Variants in PSMA8 observed in about 807,000 individuals in gnomAD.
The protein encoded by PSMA8 is proteasome subunit alpha-type 8.
A neutral mutation model predicts 32.4 loss-of-function variants in PSMA8; 18 were observed. The observed-to-expected ratio is 0.56, with a 90% CI of 0.38 to 0.82. PSMA8 has a LOEUF of 0.82. PSMA8 is among the 40% of genes least tolerant of loss of function. PSMA8 has a pLI of 0.00. For synonymous variants in PSMA8, 104 were observed against 98.1 expected (o/e 1.06, Z -0.36); for missense variants, 298 against 300.7 (o/e 0.99, Z 0.07).
At chr18:26,171,472 G>A (rs1203315254) in intron 4 of PSMA8, among the ~76,000 whole-genome samples, 1 of 152,118 alleles carries the variant, frequency 6.6e-6, no homozygotes, top group Admixed American at 6.5e-5. Context: ...AGTGGCTCAC[G>A]CCTGTAATCC....
At chr18:26,134,238 C>G (rs1054831419) in intron 1 of PSMA8, among the ~76,000 whole-genome samples, 171 bp downstream of exon 1, 4 of 151,952 alleles carry the variant, frequency 2.6e-5, no homozygotes, top group African/African-American at 9.7e-5. Context: ...AGATTTGGGC[C>G]GGAAGTGGGC....
chr18:26,187,500 TA>T (rs1256350886), intron 6 of PSMA8, among the ~76,000 whole-genome samples: 2 of 150,428 alleles, frequency 1.3e-5, no homozygotes, highest in Non-Finnish European at 1.5e-5. Context: ...TGAATGGATT[TA>T]AAAAAAAAGA....
At chr18:26,179,014 A>G in intron 5 of PSMA8, 54 bp from the exon 6 acceptor site, 1 of 1,607,248 alleles carries the variant, frequency 6.2e-7, no homozygotes, top group East Asian at 2.2e-5. Flanking sequence ...ATTTTTGTTT[A>G]TTAAACACAA....
intron 4 of PSMA8, among the ~76,000 whole-genome samples, chr18:26,171,732 T>C (rs918021156): frequency 6.7e-6 from 1 of 149,226 alleles, no homozygotes. Context: ...AGACTCCGTC[T>C]CAAAAAAAAA....
chr18:26,177,580 G>T (rs2055273871), intron 4 of PSMA8, among the ~76,000 whole-genome samples: 1 of 152,088 alleles, frequency 6.6e-6, no homozygotes, highest in Non-Finnish European at 1.5e-5. Flanking sequence ...GGATATTTAG[G>T]CTGAATTAAA....
At chr18:26,163,990 T>A (rs537498067) in intron 4 of PSMA8, among the ~76,000 whole-genome samples, 46 of 152,306 alleles carry the variant, frequency 3.0e-4, no homozygotes, top group African/African-American at 1.1e-3. Context: ...GTGTTCTGGA[T>A]CCCAAGTGAA....
intron 6 of PSMA8, among the ~76,000 whole-genome samples, chr18:26,187,729 A>T (rs935089188): frequency 2.6e-5 from 4 of 152,214 alleles, no homozygotes; most frequent in Non-Finnish European, 4.4e-5. Flanking sequence ...CAGCAAGAAG[A>T]TATAACAGTC....
At chr18:26,175,867 T>A (rs911918406) in intron 4 of PSMA8, among the ~76,000 whole-genome samples, 4 of 152,262 alleles carry the variant, frequency 2.6e-5, no homozygotes, top group Non-Finnish European at 5.9e-5. Flanking sequence ...AGCCAATATG[T>A]CTGCATTCTA....
intron 6 of PSMA8, among the ~76,000 whole-genome samples, chr18:26,183,242 A>C (rs576330345): frequency 6.7e-6 from 1 of 149,820 alleles, no homozygotes; most frequent in East Asian, 2.0e-4. Flanking sequence ...AAATACAAAA[A>C]TTAGCTGGGC....
chr18:26,165,330 A>G (rs1321590732), intron 4 of PSMA8, among the ~76,000 whole-genome samples: 1 of 152,260 alleles, frequency 6.6e-6, no homozygotes, highest in Non-Finnish European at 1.5e-5. Flanking sequence ...CCACGCCTGC[A>G]TCTAAATTGA....
In PSMA8 at chr18:26,178,824, T is replaced by C. The variant is rs765586244; in HGVS notation, c.478-6T>C. ...GATATTAATAAATTAACTTTTATTT[T>C]TCAAGGCAAATGCAATAGGCCGAAG... On this transcript the variant is annotated splice_polypyrimidine_tract_variant and splice_region_variant and intron_variant, in intron 4 of 6. Coordinates refer to ENST00000415576, the MANE Select transcript of PSMA8 (RefSeq NM_001025096.2). The C allele has an allele frequency of 1.2e-6, 2 of 1,604,814 alleles. No individual in the cohort carries two copies. Among genetic ancestry groups the C allele is most frequent in the Non-Finnish European group, 1.7e-6 (2 of 1,177,142 alleles).
intron 5 of PSMA8, 38 bp from the exon 6 acceptor site, chr18:26,179,030 G>A: frequency 6.2e-7 from 1 of 1,606,432 alleles, no homozygotes; most frequent in African/African-American, 1.3e-5. Flanking sequence ...CACAAAATTT[G>A]CTGAAATAAT....
At chr18:26,191,530 A>T (rs945774264) in intron 6 of PSMA8, among the ~76,000 whole-genome samples, 3 of 151,222 alleles carry the variant, frequency 2.0e-5, no homozygotes, top group African/African-American at 7.3e-5. Context: ...ACACACCTGT[A>T]GTCCCAGCTA....
At chr18:26,183,167 G>A (rs536519414) in intron 6 of PSMA8, among the ~76,000 whole-genome samples, 2 of 150,212 alleles carry the variant, frequency 1.3e-5, no homozygotes, top group South Asian at 4.2e-4. Flanking sequence ...CAAGGTGGGT[G>A]GATTGCTTGA....
Position 26,191,492 on chromosome 18 carries a change from A to G in PSMA8, c.661-827A>G, listed in dbSNP as rs984789696. Among the ~76,000 whole-genome samples the G allele has an allele frequency of 2.7e-4, 41 of 152,134 alleles. 1 individual carries two copies. The highest frequency in any genetic ancestry group is 2.4e-3 in the Admixed American group (36 of 15,280). On this transcript the variant is annotated intron_variant, in intron 6 of 6. Coordinates refer to ENST00000415576, the MANE Select transcript of PSMA8 (RefSeq NM_001025096.2). ...GAAAATGCAAATCTCTCTACTAAAA[A>G]TAACAAAAATCAGTCAGGCGTGGTA...
rs1212166555 is a variant in PSMA8, at chr18:26,179,215, C to T, written c.660+85C>T. 1.9e-5 allele frequency: 18 copies of T among 927,228 alleles called. No homozygotes were observed. The Admixed American group carries it at 2.0e-4, about 10-fold the overall frequency. 57.4% of individuals were successfully genotyped at this position (927,228 alleles called of 1,614,324 possible). On this transcript the variant is annotated intron_variant, in intron 6 of 6. Coordinates refer to ENST00000415576, the MANE Select transcript of PSMA8 (RefSeq NM_001025096.2). ...AAAAAGTTGTTGGCCTCTAGGCTTCCGATATAATGTTATCCTTCATTAATG... is the reference window on the plus strand; with the variant it reads ...AAAAAGTTGTTGGCCTCTAGGCTTCTGATATAATGTTATCCTTCATTAATG...
At chr18:26,145,280 G>A (rs950150238) in intron 2 of PSMA8, among the ~76,000 whole-genome samples, 14 of 151,916 alleles carry the variant, frequency 9.2e-5, no homozygotes, top group South Asian at 2.1e-4. Flanking sequence ...CACCACACCC[G>A]GCTAATTTTG....
intron 2 of PSMA8, among the ~76,000 whole-genome samples, chr18:26,149,611 T>C (rs562373067): frequency 1.3e-5 from 2 of 152,310 alleles, no homozygotes; most frequent in East Asian, 3.9e-4. Flanking sequence ...ATAGAGAACA[T>C]AGTAATAAAT....
intron 1 of PSMA8, among the ~76,000 whole-genome samples, chr18:26,139,120 AAATGACG>A (rs1419048931): frequency 1.3e-5 from 2 of 152,212 alleles, no homozygotes. Context: ...GAATAGGTGA[AAATGACG>A]AATGTCACAT....
Sources: gnomAD v4.1 joint callset for allele counts (sites outside exome capture counted in the v4.1 genomes callset) on GRCh38, gnomAD v4.1.1 for gene constraint, MANE v1.5 for transcripts, NCBI Gene and HGNC (gene_info 2026-07-23, HGNC 2026-07-21) for gene names.